MGAT4C: variants seen among roughly 807,000 people sequenced by gnomAD.
The protein encoded by MGAT4C is alpha-1,3-mannosyl-glycoprotein 4-beta-N-acetylglucosaminyltransferase C.
A neutral mutation model predicts 40.1 loss-of-function variants in MGAT4C; 19 were observed. That is an observed-to-expected ratio of 0.47 (90% CI 0.33 to 0.70). The LOEUF (loss-of-function observed/expected upper bound fraction) is 0.70. Among genes scored for constraint, MGAT4C ranks in the 30% least tolerant of loss-of-function variants. MGAT4C has a pLI of 0.02. For missense variants in MGAT4C, 491 were observed against 563.2 expected (o/e 0.87, Z 1.30); for synonymous variants, 181 against 187.1 (o/e 0.97, Z 0.27).
At chr12:86,525,108 C>T (rs148317828) in intron 2 of MGAT4C, among the ~76,000 whole-genome samples, 1 of 152,282 alleles carries the variant, frequency 6.6e-6, no homozygotes, top group East Asian at 1.9e-4. Context: ...CCCACTCAAA[C>T]CTCATCTTGA....
chr12:86,383,199 T>A (rs4842487), intron 3 of MGAT4C, among the ~76,000 whole-genome samples: 12,904 of 152,208 alleles, frequency 0.085, 760 homozygotes, highest in Middle Eastern at 0.22. Flanking sequence ...ATCCCCTGCA[T>A]CAGCGTGACC....
intron 1 of MGAT4C, among the ~76,000 whole-genome samples, chr12:86,762,300 C>T (rs1464088127): frequency 1.3e-5 from 2 of 152,118 alleles, no homozygotes; most frequent in African/African-American, 4.8e-5. Flanking sequence ...ATCTGCTAGC[C>T]TCAGCCTCCC....
chr12:86,481,759 G>A (rs766202478), intron 2 of MGAT4C, among the ~76,000 whole-genome samples: 15 of 151,772 alleles, frequency 9.9e-5, no homozygotes, highest in Non-Finnish European at 1.5e-4. Context: ...AACATGGTAC[G>A]TATAAATAAT....
chr12:86,403,503 A>G (rs944337574), intron 3 of MGAT4C, among the ~76,000 whole-genome samples: 5 of 152,242 alleles, frequency 3.3e-5, no homozygotes, highest in Non-Finnish European at 7.3e-5. Context: ...ACATAATTCC[A>G]TATGACAGAA....
chr12:86,747,237 C>A (rs368967669), intron 1 of MGAT4C, among the ~76,000 whole-genome samples: 2 of 151,702 alleles, frequency 1.3e-5, no homozygotes, highest in East Asian at 1.9e-4. Context: ...ATTTTCAATT[C>A]AAACTATAAT....
At position 85,965,661 on chromosome 12, in the gene MGAT4C, GAGA is replaced by G. The variant is rs1259612306; in HGVS notation, c.*13625_*13627del. ...TTGAACAAGACTACGCTGAAAGGCAGAGAAGAAGTAATTATGAACAAACTGTTC... is the reference window on the plus strand; with the variant it reads ...TTGAACAAGACTACGCTGAAAGGCAGAGAAGTAATTATGAACAAACTGTTC... On this transcript the variant is annotated 3_prime_UTR_variant, in exon 5 of 5. Transcript: ENST00000611864. 1 of 148,900 alleles carries G rather than the reference GAGA, an allele frequency of 6.7e-6. No homozygotes were observed. Among genetic ancestry groups the G allele is most frequent in the Non-Finnish European group, 1.5e-5 (1 of 67,520 alleles). The allele number at this position is 148,900 out of a possible 1,614,324, so 9.2% of individuals were successfully genotyped here. A position where few individuals can be genotyped will look rare whatever the true frequency, so the allele number is the denominator to read the frequency against.
intron 1 of MGAT4C, among the ~76,000 whole-genome samples, chr12:86,249,632 T>C (rs1158341359): frequency 6.6e-6 from 1 of 152,176 alleles, no homozygotes; most frequent in East Asian, 1.9e-4. Context: ...TATTTACAAT[T>C]AGAATCTGTT....
At chr12:86,191,339 A>G (rs1889434176) in intron 1 of MGAT4C, among the ~76,000 whole-genome samples, 1 of 152,002 alleles carries the variant, frequency 6.6e-6, no homozygotes, top group African/African-American at 2.4e-5. Context: ...TTGTGGTGTG[A>G]CGTGGCAAGA....
In MGAT4C at chr12:85,965,945, C is replaced by T. The variant is rs1347924282; in HGVS notation, c.*13344G>A. ...AGGACTCTGGATAGAAAGAGATGGC[C>T]CAGGATACAGAGGGCACTCCTTAAA... On this transcript the variant is annotated 3_prime_UTR_variant, in exon 5 of 5. Coordinates refer to ENST00000611864, the MANE Select transcript of MGAT4C (RefSeq NM_001351288.2). The T allele has an allele frequency of 6.6e-6, 1 of 151,504 alleles. No homozygotes were observed. The highest frequency in any genetic ancestry group is 1.9e-4 in the East Asian group (1 of 5,152). The allele number at this position is 151,504 out of a possible 1,614,324, so 9.4% of individuals were successfully genotyped here. A position where few individuals can be genotyped will look rare whatever the true frequency, so the allele number is the denominator to read the frequency against.
chr12:86,032,859 T>C (rs1442473512), intron 2 of MGAT4C, among the ~76,000 whole-genome samples: 1 of 149,956 alleles, frequency 6.7e-6, no homozygotes, highest in African/African-American at 2.4e-5. Context: ...TCCAGAATGG[T>C]ATTTCCTAGG....
chr12:86,505,587 T>C (rs73193206), intron 2 of MGAT4C, among the ~76,000 whole-genome samples: 4,145 of 152,218 alleles, frequency 0.027, 96 homozygotes, highest in South Asian at 0.067. Context: ...AACAGCAGAG[T>C]ATAATGGAAG....
At position 86,426,140 on chromosome 12, in the gene MGAT4C, A is replaced by G. The variant is rs111452784; in HGVS notation, c.-120+9017T>C. Among the ~76,000 whole-genome samples, 989 of 152,314 alleles carry G rather than the reference A, an allele frequency of 6.5e-3. 10 individuals are homozygous for G. The highest frequency in any genetic ancestry group is 0.023 in the African/African-American group (946 of 41,560). On this transcript the variant is annotated intron_variant, in intron 3 of 7. Coordinates refer to the MGAT4C transcript ENST00000548651. ...TTGCAGTCATTCAAATAGGCAGTATATTATGGCATCTGCCCCTTAACAAGT... is the reference window on the plus strand; with the variant it reads ...TTGCAGTCATTCAAATAGGCAGTATGTTATGGCATCTGCCCCTTAACAAGT...
chr12:86,240,039 T>G (rs11503207), intron 1 of MGAT4C, among the ~76,000 whole-genome samples: 1 of 35,534 alleles, frequency 2.8e-5, no homozygotes, highest in Admixed American at 3.6e-4. Flanking sequence ...AAAAAAAAAA[T>G]AAAAAATAAA....
intron 1 of MGAT4C, among the ~76,000 whole-genome samples, chr12:86,770,945 C>A (rs1048919157): frequency 6.6e-6 from 1 of 151,984 alleles, no homozygotes; most frequent in African/African-American, 2.4e-5. Context: ...GAGTTCATAA[C>A]TGTCAATACC....
chr12:86,467,311 G>A (rs1195019957), intron 2 of MGAT4C, among the ~76,000 whole-genome samples: 1 of 152,132 alleles, frequency 6.6e-6, no homozygotes, highest in Non-Finnish European at 1.5e-5. Context: ...ATATTTCTTA[G>A]AGGATGGCAA....
At chr12:86,564,348 C>G (rs1261659544) in intron 2 of MGAT4C, among the ~76,000 whole-genome samples, 2 of 151,994 alleles carry the variant, frequency 1.3e-5, no homozygotes, top group Non-Finnish European at 2.9e-5. Flanking sequence ...TTTCCTTCAG[C>G]TGGCAAGGCC....
chr12:86,164,032 T>C (rs1267292599), intron 1 of MGAT4C, among the ~76,000 whole-genome samples: 1 of 152,148 alleles, frequency 6.6e-6, no homozygotes, highest in African/African-American at 2.4e-5. Flanking sequence ...TTTTAAATGA[T>C]AGTTAGAATT....
chr12:86,643,248 C>A (rs1432714481), intron 2 of MGAT4C, among the ~76,000 whole-genome samples: 2 of 151,758 alleles, frequency 1.3e-5, no homozygotes, highest in African/African-American at 4.8e-5. Context: ...CCGCCATGAC[C>A]TATACACCTG....
Position 86,725,617 on chromosome 12 carries a change from C to T in MGAT4C, c.-229+1592G>A, listed in dbSNP as rs755204899. 4.6e-5 allele frequency among the ~76,000 whole-genome samples: 7 copies of T among 152,034 alleles called. No individual in the cohort carries two copies. The South Asian group carries it at 6.2e-4, about 14-fold the overall frequency. On this transcript the variant is annotated intron_variant, in intron 2 of 7. Transcript: ENST00000548651. ...CTGGGATTACAGGCGCACGCTGCCT[C>T]GCCCGGCTAATTTCTTTTGTATTTC... is the stretch of plus-strand genomic sequence containing the variant.
Sources: allele counts gnomAD v4.1 joint callset (sites outside exome capture counted in the v4.1 genomes callset), GRCh38; gene constraint gnomAD v4.1.1; transcripts MANE v1.5; gene names NCBI Gene and HGNC (gene_info 2026-07-23, HGNC 2026-07-21).